Variants in RAB37 observed in about 807,000 individuals in gnomAD.
RAB37 encodes the protein ras-related protein Rab-37.
In RAB37, 29 loss-of-function variants were observed where a neutral mutation model predicts 33.1. The observed-to-expected ratio is 0.88, with a 90% CI of 0.65 to 1.20. The LOEUF (loss-of-function observed/expected upper bound fraction) is 1.20, where lower values mean the gene tolerates loss of function less well. Among genes scored for constraint, RAB37 ranks in the 50% most tolerant of loss-of-function variants. The pLI is 0.00. For synonymous variants in RAB37, 128 were observed against 119.5 expected (o/e 1.07, Z -0.47); for missense variants, 299 against 301.1 (o/e 0.99, Z 0.05).
In RAB37 at chr17:74,744,663, C is replaced by G. The variant is rs1322192448; in HGVS notation, c.433-210C>G. On this transcript the variant is annotated intron_variant, in intron 6 of 8. Coordinates refer to ENST00000392613, the MANE Select transcript of RAB37 (RefSeq NM_001006638.3). This position sits in a 1 kb window ranked among gnomAD's most constrained non-coding sequence, Gnocchi z 4.2. ...TAAGAGTGCAAAGGGTTAGCCCCAA[C>G]TGCTGTCCTATTCCAAGACCCTTTA... 5 of 646,150 alleles carry G rather than the reference C, an allele frequency of 7.7e-6. No individual in the cohort carries two copies. In the Admixed American group the frequency reaches 1.1e-4, roughly 14 times the overall value. 40.0% of individuals were successfully genotyped at this position (646,150 alleles called of 1,614,324 possible).
At chr17:74,675,592 C>T (rs943133835) in intron 1 of RAB37, among the ~76,000 whole-genome samples, 2 of 152,178 alleles carry the variant, frequency 1.3e-5, no homozygotes, top group African/African-American at 4.8e-5. Context: ...ACCTATTTCA[C>T]AGGCAGAAGT....
rs980193436 is a variant in RAB37, at chr17:74,746,500, A to C, written c.*1089A>C. On this transcript the variant is annotated 3_prime_UTR_variant, in exon 9 of 9. Coordinates refer to ENST00000392613, the MANE Select transcript of RAB37 (RefSeq NM_001006638.3). This position sits in a 1 kb window ranked among gnomAD's most constrained non-coding sequence, Gnocchi z 5.2. ...CGGCCTCCCAAAGTACTGGGATTAC[A>C]CGCAGAAGGCACCATGCCCAGGCTA... 1 of 152,256 alleles carries C rather than the reference A, an allele frequency of 6.6e-6. No individual in the cohort carries two copies. The highest frequency in any genetic ancestry group is 1.5e-5 in the Non-Finnish European group (1 of 68,062). 9.4% of individuals were successfully genotyped at this position (152,256 alleles called of 1,614,324 possible).
upstream of RAB37, among the ~76,000 whole-genome samples, chr17:74,736,212 GA>G (rs1032087916): frequency 1.0e-3 from 144 of 142,276 alleles, no homozygotes; most frequent in Middle Eastern, 3.6e-3. Context: ...GACTCTGTCT[GA>G]AAAAAAAAAA....
chr17:74,732,621 T>G (rs2034401335), upstream of RAB37, among the ~76,000 whole-genome samples: 1 of 146,510 alleles, frequency 6.8e-6, no homozygotes, highest in Non-Finnish European at 1.5e-5. Context: ...GGGGTGTGAT[T>G]TGAAGTGTGT....
chr17:74,729,460 A>G lies in RAB37; in HGVS notation c.183+94A>G. 1 of 855,962 alleles carries G rather than the reference A, an allele frequency of 1.2e-6. No homozygotes were observed. The highest frequency in any genetic ancestry group is 2.0e-6 in the Non-Finnish European group (1 of 491,370). 53.0% of individuals were successfully genotyped at this position (855,962 alleles called of 1,614,324 possible). Reference sequence around the variant, plus strand: ...CAGCAGGAAACAGGTGGACACTCGCATTGGATCATTCAAGGAGGATTAAGG... The same window carrying G: ...CAGCAGGAAACAGGTGGACACTCGCGTTGGATCATTCAAGGAGGATTAAGG... On this transcript the variant is annotated intron_variant, in intron 2 of 7. Transcript: ENST00000340415. The surrounding 1 kb of genome is among the most constrained non-coding windows in gnomAD (Gnocchi z 4.2).
chr17:74,725,270 G>A (rs1383427817), intron 1 of RAB37, among the ~76,000 whole-genome samples: 1 of 151,868 alleles, frequency 6.6e-6, no homozygotes. Context: ...TTCAGCAGCT[G>A]TTGAGTGGCG....
intron 1 of RAB37, among the ~76,000 whole-genome samples, chr17:74,696,748 T>C (rs561478072): frequency 2.6e-5 from 4 of 152,312 alleles, no homozygotes; most frequent in African/African-American, 9.6e-5. Flanking sequence ...GCAGGGTGGC[T>C]GGGCCTGTCC....
intron 1 of RAB37, among the ~76,000 whole-genome samples, chr17:74,721,979 T>C (rs1396398863): frequency 6.6e-6 from 1 of 151,840 alleles, no homozygotes; most frequent in African/African-American, 2.4e-5. Flanking sequence ...ACAGAAACGG[T>C]AAGCTATATA....
intron 1 of RAB37, among the ~76,000 whole-genome samples, chr17:74,701,420 AG>A (rs1199566203): frequency 6.6e-6 from 1 of 152,224 alleles, no homozygotes; most frequent in Non-Finnish European, 1.5e-5. Context: ...TGCTAATCAA[AG>A]GCCCTAATCG....
At chr17:74,734,208 C>T (rs2034433541), upstream of RAB37, among the ~76,000 whole-genome samples, 3 of 152,316 alleles carry the variant, frequency 2.0e-5, no homozygotes, top group Middle Eastern at 6.8e-3. Context: ...TGGTGGCTCC[C>T]AGGAGTCCTT....
chr17:74,705,327 T>C, intron 1 of RAB37: 3 of 679,892 alleles, frequency 4.4e-6, no homozygotes, highest in Non-Finnish European at 5.5e-6. Context: ...CCACCCTGGA[T>C]GAATGCCTTT....
chr17:74,742,632 C>CTTTTCT lies in RAB37; in HGVS notation c.246+341_246+342insCTTTTT, dbSNP rs2034646499. Reference sequence around the variant, plus strand: ...AGATTCTTTTTTTTTCTTTTCTTTTCTTTTTTTTTTTGAGATGGAGTCTCG... The same window carrying CTTTTCT: ...AGATTCTTTTTTTTTCTTTTCTTTTCTTTTCTTTTTTTTTTTTGAGATGGAGTCTCG... On this transcript the variant is annotated intron_variant, in intron 3 of 8. Transcript: ENST00000392613. This position sits in a 1 kb window ranked among gnomAD's most constrained non-coding sequence, Gnocchi z 4.0. Among the ~76,000 whole-genome samples the CTTTTCT allele has an allele frequency of 6.9e-6, 1 of 145,624 alleles. No homozygotes were observed. Among genetic ancestry groups the CTTTTCT allele is most frequent in the Non-Finnish European group, 1.5e-5 (1 of 65,776 alleles).
At chr17:74,697,612 T>C (rs2032622970) in intron 1 of RAB37, among the ~76,000 whole-genome samples, 1 of 152,058 alleles carries the variant, frequency 6.6e-6, no homozygotes, top group African/African-American at 2.4e-5. Context: ...CCAGCTGTTC[T>C]AGAAGAGAAA....
At position 74,706,897 on chromosome 17, in the gene RAB37, C is replaced by G. The variant is rs111237965; in HGVS notation, c.73-22359C>G. 3.6e-3 allele frequency among the ~76,000 whole-genome samples: 551 copies of G among 152,310 alleles called. 3 individuals carry two copies. Among genetic ancestry groups the G allele is most frequent in the Non-Finnish European group, 5.9e-3 (404 of 68,032 alleles). Reference sequence around the variant, plus strand: ...GAACACACAATGGGGAAAGGACAGTCTCTTCAATAAACAGTGCTGGGAAAA... The same window carrying G: ...GAACACACAATGGGGAAAGGACAGTGTCTTCAATAAACAGTGCTGGGAAAA... On this transcript the variant is annotated intron_variant, in intron 1 of 7. Coordinates refer to the RAB37 transcript ENST00000340415.
In RAB37 at chr17:74,738,289, G is replaced by A. The variant is rs964675454; in HGVS notation, c.93+924G>A. Among the ~76,000 whole-genome samples, 2 of 152,172 alleles carry A rather than the reference G, an allele frequency of 1.3e-5. No individual in the cohort carries two copies. Among genetic ancestry groups the A allele is most frequent in the Non-Finnish European group, 2.9e-5 (2 of 68,026 alleles). ...CTCCCCGACACCAGGGCTCACCCTT[G>A]CTGGGAGCCTCAGCCTCCACCCCAG... On this transcript the variant is annotated intron_variant, in intron 1 of 8. Coordinates refer to ENST00000392613, the MANE Select transcript of RAB37 (RefSeq NM_001006638.3). The surrounding 1 kb of genome is among the most constrained non-coding windows in gnomAD (Gnocchi z 5.0).
upstream of RAB37, among the ~76,000 whole-genome samples, chr17:74,735,006 A>AAAGGAAGGAAGGAAGGAAGGAAGG (rs1278575071): frequency 4.0e-5 from 4 of 99,114 alleles, no homozygotes; most frequent in Admixed American, 3.3e-4. Flanking sequence ...AAAGAAAAAG[A>AAAGGAAGGAAGGAAGGAAGGAAGG]AAGGAAGGAA....
At chr17:74,710,488 C>CA (rs2033866726) in intron 1 of RAB37, among the ~76,000 whole-genome samples, 1 of 152,106 alleles carries the variant, frequency 6.6e-6, no homozygotes, top group Non-Finnish European at 1.5e-5. Flanking sequence ...TAGAAAAGTG[C>CA]TCATTTACAT....
At chr17:74,711,227 C>T (rs908019346) in intron 1 of RAB37, among the ~76,000 whole-genome samples, 2 of 152,034 alleles carry the variant, frequency 1.3e-5, no homozygotes, top group Non-Finnish European at 2.9e-5. Flanking sequence ...CAGTGGTATC[C>T]GGGCTCCATG....
At chr17:74,736,619 A>G (rs2034478708), upstream of RAB37, 1 of 1,534,482 alleles carries the variant, frequency 6.5e-7, no homozygotes, top group African/African-American at 1.4e-5. Context: ...CTGGTGGGAC[A>G]TTCTGGGCAC....
Sources: gnomAD v4.1 joint callset for allele counts (sites outside exome capture counted in the v4.1 genomes callset) on GRCh38, gnomAD v4.1.1 for gene constraint, Gnocchi (gnomAD v3.1) non-coding constraint, MANE v1.5 for transcripts, NCBI Gene and HGNC (gene_info 2026-07-23, HGNC 2026-07-21) for gene names.